PFKFB1: variants seen among roughly 807,000 people sequenced by gnomAD.
PFKFB1 encodes 6-phosphofructo-2-kinase/fructose-2,6-biphosphatase 1.
PFKFB1 carries 34 observed loss-of-function variants against 46.4 expected under a neutral mutation model. The observed-to-expected ratio is 0.73, with a 90% CI of 0.56 to 0.98. The LOEUF is 0.98. Ranked by LOEUF, PFKFB1 falls within the 50% of genes least tolerant of loss-of-function variation. The pLI is 0.00. For missense variants in PFKFB1, 393 were observed against 376.3 expected, an observed-to-expected ratio of 1.04 and a Z score of -0.37; for synonymous variants, 119 against 133.8, an observed-to-expected ratio of 0.89 and a Z score of 0.76.
Position 54,937,610 on chromosome X carries a change from G to C in PFKFB1, c.1213C>G (p.Leu405Val). Residue 405 changes from leucine to valine, a missense_variant, in exon 11 of 14, where the codon CTG becomes GTG. By Grantham distance (32) the Leu-to-Val change is conservative (BLOSUM62 1). Transcript: ENST00000375006. ...AGGGTAGTACCTGAACTTTTATCCA[G>C]GAAATAGGCCAGGAGGCACCGCATG... ...AVMRCLLAYF[L>V]DKSSDELPYL... is the part of the protein sequence containing the mutation. The C allele has an allele frequency of 8.3e-7, 1 of 1,210,337 alleles. No individual in the cohort carries two copies. Among genetic ancestry groups the C allele is most frequent in the Non-Finnish European group, 1.1e-6 (1 of 894,404 alleles).
At chrX:54,992,500 G>C (rs1339826867) in intron 1 of PFKFB1, among the ~76,000 whole-genome samples, 1 of 111,769 alleles carries the variant, frequency 8.9e-6, no homozygotes, top group Non-Finnish European at 1.9e-5. Context: ...AGGCAGTCTG[G>C]ATCCAGAACC....
intron 10 of PFKFB1, among the ~76,000 whole-genome samples, chrX:54,939,192 C>T (rs1311042857): frequency 2.7e-5 from 3 of 111,093 alleles, no homozygotes; most frequent in African/African-American, 9.8e-5. Flanking sequence ...TCTTTGAAAC[C>T]AACGAGAACA....
At chrX:54,956,058 G>A in intron 7 of PFKFB1, 95 bp downstream of exon 7, 1 of 524,396 alleles carries the variant, frequency 1.9e-6, no homozygotes, top group Non-Finnish European at 3.2e-6. Flanking sequence ...TAGAGAAGTT[G>A]AGGCCCAGCA....
Position 54,952,057 on chromosome X carries a change from C to A in PFKFB1, c.694G>T (p.Val232Leu), listed in dbSNP as rs199630999. ...DVGTRYMVNR[V>L]QDHIQSRTVY... ...GTGCGGCTCTGGATGTGATCCTGCACTCGGTTCACCATGTAGCGTGTGCCC... is the reference window on the plus strand; with the variant it reads ...GTGCGGCTCTGGATGTGATCCTGCAATCGGTTCACCATGTAGCGTGTGCCC... The change falls in exon 8 of 14, where the codon GTG becomes TTG. Residue 232 changes from valine (V) to leucine (L), a missense_variant. Physicochemically the swap from Val to Leu is conservative, Grantham distance 32. Transcript: ENST00000375006. The A allele has an allele frequency of 6.6e-6, 8 of 1,209,782 alleles. No homozygotes were observed. Among genetic ancestry groups the A allele is most frequent in the Middle Eastern group, 2.3e-4 (1 of 4,372 alleles).
At chrX:54,935,116 G>A (rs1264346432) in intron 11 of PFKFB1, 107 bp from the exon 12 acceptor site, 18 of 602,648 alleles carry the variant, frequency 3.0e-5, no homozygotes, top group Non-Finnish European at 4.1e-5. Flanking sequence ...TCCCCTTGCC[G>A]TGGTGGGGCC....
chrX:54,988,850 G>T (rs1303380818), intron 1 of PFKFB1, among the ~76,000 whole-genome samples: 2 of 111,819 alleles, frequency 1.8e-5, no homozygotes, highest in Non-Finnish European at 3.8e-5. Flanking sequence ...AGAATAAATT[G>T]AAAAACCTAA....
chrX:54,938,064 A>T (rs750851755), intron 10 of PFKFB1, among the ~76,000 whole-genome samples: 1 of 112,287 alleles, frequency 8.9e-6, no homozygotes, highest in East Asian at 2.8e-4. Context: ...GCCCCAAAAT[A>T]GAGAAAAACG....
chrX:54,947,959 G>A (rs1363034110), intron 9 of PFKFB1, among the ~76,000 whole-genome samples: 2 of 104,826 alleles, frequency 1.9e-5, no homozygotes, highest in Non-Finnish European at 3.9e-5. Context: ...GGCCTTGATT[G>A]TCACTCAGGC....
chrX:54,945,680 T>C, intron 9 of PFKFB1, 137 bp from the exon 10 acceptor site: 1 of 458,805 alleles, frequency 2.2e-6, no homozygotes, highest in East Asian at 3.8e-5. Context: ...GGTTTGTGCC[T>C]GTTGTCCATA....
At chrX:54,972,091 T>C (rs1934683998) in intron 1 of PFKFB1, among the ~76,000 whole-genome samples, 1 of 110,791 alleles carries the variant, frequency 9.0e-6, no homozygotes, top group South Asian at 3.8e-4. Flanking sequence ...TTTTATTCTC[T>C]TTGAAGCAAT....
At chrX:54,996,298 C>A (rs767759496), upstream of PFKFB1, among the ~76,000 whole-genome samples, 3 of 112,439 alleles carry the variant, frequency 2.7e-5, no homozygotes, top group Non-Finnish European at 5.6e-5. Flanking sequence ...AAAGCAACAA[C>A]ATATTCCTTA....
chrX:54,933,150 C>T lies in PFKFB1; in HGVS notation c.*253G>A. 2 of 390,200 alleles carry T rather than the reference C, an allele frequency of 5.1e-6. No individual in the cohort carries two copies. Among genetic ancestry groups the T allele is most frequent in the Non-Finnish European group, 4.5e-6 (1 of 223,337 alleles). The allele number at this position is 390,200 out of a possible 1,213,427, so 32.2% of individuals were successfully genotyped here. On this transcript the variant is annotated 3_prime_UTR_variant, in exon 14 of 14. Coordinates refer to ENST00000375006, the MANE Select transcript of PFKFB1 (RefSeq NM_002625.4). ...ACTGGAAAAGCCTCGCCATGACCTC[C>T]TCCTCTCCTCTTGTAGGCAGTAAGT...
rs779451562 is a variant in PFKFB1, at chrX:54,935,146, C to T, written c.1229-137G>A. ...GGGGCCTCACCAGGGGCCCACTCCC[C>T]ACACCCTGCAGGGGCAGCACTGAGA... On this transcript the variant is annotated intron_variant, in intron 11 of 13. Coordinates refer to ENST00000375006, the MANE Select transcript of PFKFB1 (RefSeq NM_002625.4). The T allele has an allele frequency of 9.1e-5, 46 of 508,145 alleles. No individual in the cohort carries two copies. In the South Asian group the frequency reaches 1.1e-3, roughly 12 times the overall value. The allele number at this position is 508,145 out of a possible 1,213,427, so 41.9% of individuals were successfully genotyped here. A position where few individuals can be genotyped will look rare whatever the true frequency, so the allele number is the denominator to read the frequency against.
chrX:54,977,504 CA>C (rs1934872180), intron 1 of PFKFB1, among the ~76,000 whole-genome samples: 1 of 111,163 alleles, frequency 9.0e-6, no homozygotes, highest in Admixed American at 9.6e-5. Flanking sequence ...TCATAGTAAA[CA>C]AGGGAGAAGG....
At chrX:54,942,320 C>T (rs961210166) in intron 10 of PFKFB1, among the ~76,000 whole-genome samples, 3 of 111,051 alleles carry the variant, frequency 2.7e-5, no homozygotes, top group African/African-American at 9.8e-5. Context: ...TGCAGCACAC[C>T]AGCATGGCAC....
chrX:54,960,024 C>G (rs914067317), intron 3 of PFKFB1, 131 bp from the exon 4 acceptor site: 1 of 525,765 alleles, frequency 1.9e-6, no homozygotes, highest in African/African-American at 2.3e-5. Flanking sequence ...AACATCTACA[C>G]AGGGTGCCCT....
intron 1 of PFKFB1, among the ~76,000 whole-genome samples, chrX:54,981,772 T>C (rs1182084644): frequency 3.6e-5 from 4 of 111,593 alleles, no homozygotes; most frequent in Non-Finnish European, 7.6e-5. Context: ...TTCCAAGAGC[T>C]TGGGAGTTCT....
chrX:54,995,268 A>G (rs932031516), upstream of PFKFB1, among the ~76,000 whole-genome samples: 2 of 112,095 alleles, frequency 1.8e-5, no homozygotes, highest in Non-Finnish European at 3.8e-5. Flanking sequence ...ACGATTGGCT[A>G]TGAAGAAGCT....
rs1335807573 is a variant in PFKFB1 at position 54,972,076 on chromosome X, A to T, written c.98-8694T>A. On this transcript the variant is annotated intron_variant, in intron 1 of 13. Transcript: ENST00000375006. ...CACATCCCTTGTAAGTTGGATTCCT[A>T]GGTATTTTATTCTCTTTGAAGCAAT... 8.6e-4 allele frequency among the ~76,000 whole-genome samples: 95 copies of T among 110,589 alleles called. 1 individual carries two copies. The East Asian group carries it at 0.023, about 27-fold the overall frequency.
Sources: gnomAD v4.1 joint callset for allele counts (sites outside exome capture counted in the v4.1 genomes callset) on GRCh38, gnomAD v4.1.1 for gene constraint, MANE v1.5 for transcripts, NCBI Gene and HGNC (gene_info 2026-07-23, HGNC 2026-07-21) for gene names.